The following TNC variants were observed in gnomAD, a reference collection of about 807,000 sequenced individuals.
TNC encodes tenascin.
A neutral mutation model predicts 202.4 loss-of-function variants in TNC; 109 were observed. The ratio of observed to expected loss-of-function variants is 0.54; its 90% CI spans 0.46 to 0.63. The LOEUF (loss-of-function observed/expected upper bound fraction) is 0.63. Among genes scored for constraint, TNC ranks in the 30% least tolerant of loss-of-function variants. The pLI, the probability that TNC is intolerant of heterozygous loss-of-function variation, is 0.00. For synonymous variants in TNC, 1,007 were observed against 1,089.7 expected (o/e 0.92, Z 1.50); for missense variants, 2,756 against 2,833.3 (o/e 0.97, Z 0.62).
At chr9:115,114,327 C>T (rs1351518995) in intron 1 of TNC, among the ~76,000 whole-genome samples, 3 of 152,214 alleles carry the variant, frequency 2.0e-5, no homozygotes, top group African/African-American at 7.2e-5. Flanking sequence ...GAGCCTACAA[C>T]CATTTCCAAG....
chr9:115,044,006 G>A (rs1830977170), intron 17 of TNC, among the ~76,000 whole-genome samples: 3 of 152,140 alleles, frequency 2.0e-5, no homozygotes, highest in Non-Finnish European at 1.5e-5. Context: ...TCCAGATGAA[G>A]GAATTGAGGT....
At chr9:115,034,227 G>C (rs1347159155) in intron 22 of TNC, among the ~76,000 whole-genome samples, 1 of 152,312 alleles carries the variant, frequency 6.6e-6, no homozygotes, top group East Asian at 1.9e-4. Context: ...TAAGATGAAA[G>C]TTTGTACACA....
rs534887266 is a variant in TNC at position 115,086,242 on chromosome 9, G to C, written c.1489C>G (p.Arg497Gly). The change falls in exon 3 of 28, where the codon CGG becomes GGG. Residue 497 changes from arginine (R) to glycine (G), a missense_variant. Around this residue, in one of 2 missense-constraint regions of TNC, gnomAD observed 2,559 missense variants for 2,546.0 expected, o/e 1.01. Transcript: ENST00000350763. ...CDDGYTGEDC[R>G]DRQCPRDCSN... ...CAGTCCCTGGGGCATTGGCGATCCC[G>C]GCAGTCTTCCCCTGTGTAGCCGTCA... 1 of 1,614,046 alleles carries C rather than the reference G, an allele frequency of 6.2e-7. No homozygotes were observed. Among genetic ancestry groups the C allele is most frequent in the African/African-American group, 1.3e-5 (1 of 74,924 alleles).
At position 115,048,394 on chromosome 9, in the gene TNC, T is replaced by C; in HGVS notation, c.4718A>G (p.Gln1573Arg). 6.2e-7 allele frequency: 1 copy of C among 1,614,060 alleles called. No homozygotes were observed. Residue 1573 changes from glutamine to arginine, a missense_variant, in exon 16 of 28, where the codon CAG becomes CGG. Around this residue, in one of 2 missense-constraint regions of TNC, gnomAD observed 2,559 missense variants for 2,546.0 expected, o/e 1.01. Transcript: ENST00000350763. ...VVDSGKLLDP[Q>R]EFTLSGTQRK... ...CTGGGTTCCTGAAAGTGTGAATTCC[T>C]GGGGGTCCAGCAGCTTCCCAGAATC...
At chr9:115,057,766 C>G (rs907533164) in intron 14 of TNC, among the ~76,000 whole-genome samples, 4 of 152,240 alleles carry the variant, frequency 2.6e-5, no homozygotes, top group Non-Finnish European at 4.4e-5. Flanking sequence ...CTCAGGGTTG[C>G]TGGCCACTGG....
At chr9:115,088,413 T>A (rs754263670) in intron 2 of TNC, among the ~76,000 whole-genome samples, 1 of 152,226 alleles carries the variant, frequency 6.6e-6, no homozygotes, top group Non-Finnish European at 1.5e-5. Context: ...CAGAAAAGTA[T>A]AGTGCCTTTA....
intron 1 of TNC, among the ~76,000 whole-genome samples, chr9:115,117,471 G>C (rs558603586): frequency 2.3e-4 from 35 of 152,302 alleles, no homozygotes; most frequent in African/African-American, 8.2e-4. Flanking sequence ...TGAATATTTT[G>C]AGGACCAAAT....
chr9:115,030,314 A>G lies in TNC; in HGVS notation c.6012T>C (p.Gly2004=), dbSNP rs1238637864. Residue 2004 remains glycine, a synonymous_variant, in exon 24 of 28, where the codon GGT becomes GGC. Transcript: ENST00000350763. ...TSGLYTIYLN[G]DKAEALEVFC... ...AGACTTCCAGCGCCTCAGCCTTATC[A>G]CCATTCAGATAAATGGTGTAGAGGC... The G allele has an allele frequency of 2.5e-6, 4 of 1,613,886 alleles. No homozygotes were observed. The highest frequency in any genetic ancestry group is 3.4e-6 in the Non-Finnish European group (4 of 1,179,830).
chr9:115,028,524 C>T (rs750786090), intron 25 of TNC, among the ~76,000 whole-genome samples: 2 of 152,076 alleles, frequency 1.3e-5, no homozygotes, highest in African/African-American at 4.8e-5. Context: ...TGACTTAAGG[C>T]TAGGTTAACA....
At chr9:115,023,207 C>T (rs1295607155) in intron 27 of TNC, among the ~76,000 whole-genome samples, 1 of 152,070 alleles carries the variant, frequency 6.6e-6, no homozygotes, top group African/African-American at 2.4e-5. Flanking sequence ...CGTGGTGTGG[C>T]CCCAAGGGAA....
At chr9:115,040,049 T>C (rs758945210) in intron 19 of TNC, among the ~76,000 whole-genome samples, 9 of 152,244 alleles carry the variant, frequency 5.9e-5, no homozygotes, top group Non-Finnish European at 1.2e-4. Context: ...GGATAAATTG[T>C]TTTGAGACAT....
rs35624621 is a variant in TNC at position 115,098,938 on chromosome 9, ATTTTTT to A, written c.-136-7790_-136-7785del. Among the ~76,000 whole-genome samples the A allele has an allele frequency of 3.1e-3, 395 of 127,332 alleles. 4 individuals are homozygous for A. Among genetic ancestry groups the A allele is most frequent in the African/African-American group, 0.011 (372 of 33,006 alleles). 83.5% of individuals were successfully genotyped at this position (127,332 alleles called of 152,430 possible). On this transcript the variant is annotated intron_variant, in intron 1 of 27. Transcript: ENST00000350763. ...AGCCAGGAAACAGCCTTAAGTGTGTATTTTTTTTTTTTTTTTTTTCCTGAGGACATC... is the reference window on the plus strand; with the variant it reads ...AGCCAGGAAACAGCCTTAAGTGTGTATTTTTTTTTTTTTCCTGAGGACATC...
intron 15 of TNC, among the ~76,000 whole-genome samples, chr9:115,050,249 T>C (rs751055315): frequency 2.5e-4 from 38 of 152,308 alleles, no homozygotes; most frequent in Non-Finnish European, 5.0e-4. Context: ...CCTGTTTTGT[T>C]TTTTTCTTTT....
At chr9:115,105,176 T>C (rs1836520634) in intron 1 of TNC, among the ~76,000 whole-genome samples, 1 of 152,176 alleles carries the variant, frequency 6.6e-6, no homozygotes, top group Non-Finnish European at 1.5e-5. Flanking sequence ...AAAATACGTC[T>C]CTAGGACTGG....
chr9:115,117,373 TCTC>T (rs1418926983), intron 1 of TNC, among the ~76,000 whole-genome samples: 5 of 152,074 alleles, frequency 3.3e-5, no homozygotes, highest in Admixed American at 3.3e-4. Flanking sequence ...GTAAAGCTGT[TCTC>T]CACCACTCTC....
chr9:115,097,236 G>A (rs562584308), intron 1 of TNC, among the ~76,000 whole-genome samples: 1 of 152,176 alleles, frequency 6.6e-6, no homozygotes, highest in Admixed American at 6.5e-5. Context: ...CAATTTCCCC[G>A]CCTCCTCTCC....
In TNC at chr9:115,057,120, G is replaced by C. The variant is rs1223074412; in HGVS notation, c.4579+33C>G. On this transcript the variant is annotated intron_variant, in intron 15 of 27. Transcript: ENST00000350763. Reference sequence around the variant, plus strand: ...CACCCTGCAAAGAAGACTGTGGAGAGAGTGCGTTAGAAATGGGAGAATGCA... The same window carrying C: ...CACCCTGCAAAGAAGACTGTGGAGACAGTGCGTTAGAAATGGGAGAATGCA... The C allele has an allele frequency of 3.2e-6, 5 of 1,582,226 alleles. No homozygotes were observed. In the South Asian group the frequency reaches 6.0e-5, roughly 19 times the overall value.
chr9:115,090,233 T>G (rs1480595314), intron 2 of TNC, among the ~76,000 whole-genome samples: 1 of 152,130 alleles, frequency 6.6e-6, no homozygotes, highest in Non-Finnish European at 1.5e-5. Context: ...CATGGCGTAC[T>G]CATAGGTTTT....
intron 1 of TNC, among the ~76,000 whole-genome samples, chr9:115,113,166 G>A (rs1837211713): frequency 1.3e-5 from 2 of 151,654 alleles, no homozygotes; most frequent in Non-Finnish European, 1.5e-5. Context: ...AAAAAGACAA[G>A]CTTTTGTGTC....
Sources: allele counts gnomAD v4.1 joint callset (sites outside exome capture counted in the v4.1 genomes callset), GRCh38; gene constraint gnomAD v4.1.1; regional missense constraint gnomAD v4.1.1; transcripts MANE v1.5; gene names NCBI Gene and HGNC (gene_info 2026-07-23, HGNC 2026-07-21).